SH3D19: variants seen among roughly 807,000 people sequenced by gnomAD.
The protein encoded by SH3D19 is SH3 domain-containing protein 19.
Under a neutral mutation model 112.1 loss-of-function variants are expected in SH3D19, and 58 were observed. The ratio of observed to expected loss-of-function variants is 0.52; its 90% confidence interval spans 0.42 to 0.64. SH3D19 has a LOEUF of 0.64. Among genes scored for constraint, SH3D19 ranks in the 30% least tolerant of loss-of-function variants. The probability of loss-of-function intolerance (pLI) is 0.00; values close to 1 mark genes in which losing one functional copy is unlikely to be tolerated. For synonymous variants in SH3D19, 391 were observed against 448.5 expected (o/e 0.87, Z 1.62); for missense variants, 1,090 against 1,263.4 (o/e 0.86, Z 2.08).
At chr4:151,201,251 A>G (rs1056812342) in intron 2 of SH3D19, among the ~76,000 whole-genome samples, 2 of 152,230 alleles carry the variant, frequency 1.3e-5, no homozygotes, top group African/African-American at 4.8e-5. Flanking sequence ...ATGCCATTAC[A>G]GGGCTGAAAA....
intron 17 of SH3D19, among the ~76,000 whole-genome samples, chr4:151,129,536 A>C (rs1032688905): frequency 4.5e-4 from 69 of 152,122 alleles, no homozygotes; most frequent in African/African-American, 1.6e-3. Flanking sequence ...CACCCAGCTA[A>C]TTTTTGTATT....
rs553131634 is a variant in SH3D19, at chr4:151,148,185, G to A, written c.1819C>T (p.Pro607Ser). The A allele has an allele frequency of 2.8e-5, 44 of 1,596,324 alleles. No homozygotes were observed. In the South Asian group the frequency reaches 4.9e-4, roughly 18 times the overall value. The change falls in exon 11 of 20, where the codon CCT becomes TCT. Residue 607 changes from proline to serine, a missense_variant and splice_region_variant. Pro to Ser is a moderately conservative substitution (Grantham distance 74, BLOSUM62 -1). Transcript: ENST00000604030. Reference protein sequence around the residue: ...VRVPPRLPPRPVNGKTIPTQQ... With the variant: ...VRVPPRLPPRSVNGKTIPTQQ... ...GTTGGAATGGTTTTTCCATTCACAG[G>A]TCTGAAAGTCAATGTAGTAGCCATG...
At chr4:151,139,443 C>G (rs965812434) in intron 13 of SH3D19, among the ~76,000 whole-genome samples, 1 of 152,152 alleles carries the variant, frequency 6.6e-6, no homozygotes, top group Non-Finnish European at 1.5e-5. Flanking sequence ...TGAGCCACTG[C>G]GCCCGGCCTA....
chr4:151,255,003 C>T (rs1580336155), intron 1 of SH3D19, among the ~76,000 whole-genome samples: 2 of 151,404 alleles, frequency 1.3e-5, no homozygotes. Flanking sequence ...AGAGGGGCTC[C>T]TCACTTCCCA....
At chr4:151,244,387 A>G (rs909934750) in intron 1 of SH3D19, among the ~76,000 whole-genome samples, 5 of 152,250 alleles carry the variant, frequency 3.3e-5, no homozygotes, top group African/African-American at 1.2e-4. Context: ...TTAACATTCA[A>G]TTTAACCCAA....
At chr4:151,231,656 T>C (rs1190385639) in intron 1 of SH3D19, among the ~76,000 whole-genome samples, 1 of 152,144 alleles carries the variant, frequency 6.6e-6, no homozygotes, top group Non-Finnish European at 1.5e-5. Flanking sequence ...TTAAAGAGGG[T>C]CTCTGTCAGT....
At chr4:151,258,912 C>T (rs1772153633) in intron 1 of SH3D19, among the ~76,000 whole-genome samples, 1 of 151,760 alleles carries the variant, frequency 6.6e-6, no homozygotes, top group Non-Finnish European at 1.5e-5. Context: ...ATTCACGCTG[C>T]TCCTTCTGCT....
chr4:151,255,751 G>C (rs1771846291), intron 1 of SH3D19, among the ~76,000 whole-genome samples: 1 of 152,266 alleles, frequency 6.6e-6, no homozygotes, highest in Admixed American at 6.5e-5. Context: ...AGCACTGAGT[G>C]AACGAGACTC....
intron 19 of SH3D19, 53 bp downstream of exon 19, chr4:151,127,565 C>A: frequency 9.0e-7 from 1 of 1,110,940 alleles, no homozygotes; most frequent in South Asian, 1.5e-5. Context: ...CAATGGAAAA[C>A]ATTTAAAAAA....
intron 11 of SH3D19, among the ~76,000 whole-genome samples, chr4:151,145,751 G>C (rs915138663): frequency 3.3e-5 from 5 of 152,178 alleles, no homozygotes; most frequent in African/African-American, 7.2e-5. Flanking sequence ...TACGATTGGC[G>C]TAATGGTTAG....
chr4:151,228,954 A>C (rs1484846878), intron 1 of SH3D19, among the ~76,000 whole-genome samples: 1 of 151,932 alleles, frequency 6.6e-6, no homozygotes, highest in Non-Finnish European at 1.5e-5. Context: ...TCCTGAGCTC[A>C]AGTGATCCTC....
At chr4:151,324,679 T>C (rs565542693) in intron 1 of SH3D19, among the ~76,000 whole-genome samples, 3 of 151,490 alleles carry the variant, frequency 2.0e-5, no homozygotes, top group African/African-American at 7.3e-5. Context: ...AATGGCCTTT[T>C]GGAATGCTAT....
chr4:151,266,398 G>A (rs1772795625), intron 1 of SH3D19, among the ~76,000 whole-genome samples: 1 of 152,158 alleles, frequency 6.6e-6, no homozygotes, highest in Non-Finnish European at 1.5e-5. Context: ...GTAAAGATGA[G>A]CTATTTCATC....
rs979940679 is a variant in SH3D19 at position 151,127,703 on chromosome 4, C to A, written c.2942G>T (p.Ser981Ile). Reference sequence around the variant, plus strand: ...CCCCTTCGGTACTATGGCCAACATACTTTTTGCCTCAGCTGTGAAGACATA... The same window carrying A: ...CCCCTTCGGTACTATGGCCAACATAATTTTTGCCTCAGCTGTGAAGACATA... ...FVRPCPAEAKSMLAIVPKGRK... is the reference protein window; with the variant it reads ...FVRPCPAEAKIMLAIVPKGRK... The change falls in exon 19 of 20, where the codon AGT (serine) becomes ATT (isoleucine). Residue 981 changes from serine to isoleucine, a missense_variant. Coordinates refer to ENST00000604030, the MANE Select transcript of SH3D19 (RefSeq NM_001378122.1). 3 of 1,594,272 alleles carry A rather than the reference C, an allele frequency of 1.9e-6. No homozygotes were observed. The highest frequency in any genetic ancestry group is 3.7e-5 in the Admixed American group (2 of 54,434).
In SH3D19 at chr4:151,122,079, C is replaced by A; in HGVS notation, c.*12G>T. 1 of 1,340,904 alleles carries A rather than the reference C, an allele frequency of 7.5e-7. No homozygotes were observed. The highest frequency in any genetic ancestry group is 1.1e-6 in the Non-Finnish European group (1 of 935,576). The allele number at this position is 1,340,904 out of a possible 1,614,324, so 83.1% of individuals were successfully genotyped here. ...GAGTTCTTGTGCCAAGGAACACAGA[C>A]AAGCTTCTCCTCTAGCTGATCTGTA... On this transcript the variant is annotated 3_prime_UTR_variant, in exon 20 of 20. Transcript: ENST00000604030.
chr4:151,286,030 T>TAA (rs771668211), intron 1 of SH3D19, among the ~76,000 whole-genome samples: 2 of 128,846 alleles, frequency 1.6e-5, no homozygotes, highest in African/African-American at 2.9e-5. Flanking sequence ...ACCCTATCTC[T>TAA]AAAAAAAAAA....
At chr4:151,122,511 T>TCACACACACACACA (rs3064664) in intron 19 of SH3D19, among the ~76,000 whole-genome samples, 59 of 148,520 alleles carry the variant, frequency 4.0e-4, no homozygotes, top group South Asian at 1.5e-3. Flanking sequence ...ATACCAGTTA[T>TCACACACACACACA]CACACACACA....
chr4:151,297,505 A>C (rs1023373599), intron 1 of SH3D19, among the ~76,000 whole-genome samples: 6 of 152,248 alleles, frequency 3.9e-5, no homozygotes, highest in Non-Finnish European at 8.8e-5. Context: ...AGTGAGAAGA[A>C]GACAAATCTA....
chr4:151,131,645 C>A (rs896899025), intron 17 of SH3D19, among the ~76,000 whole-genome samples: 4 of 151,990 alleles, frequency 2.6e-5, no homozygotes, highest in Non-Finnish European at 5.9e-5. Flanking sequence ...GGTCACCACA[C>A]CCGGCTGATT....
Sources: gnomAD v4.1 joint callset for allele counts (sites outside exome capture counted in the v4.1 genomes callset) on GRCh38, gnomAD v4.1.1 for gene constraint, MANE v1.5 for transcripts, NCBI Gene and HGNC (gene_info 2026-07-23, HGNC 2026-07-21) for gene names.